Variants in SLC4A7 observed in about 807,000 individuals in gnomAD.
SLC4A7 encodes solute carrier family 4 member 7, also known as sodium bicarbonate cotransporter 3.
In SLC4A7, 51 loss-of-function variants were observed where a neutral mutation model predicts 137.6. The observed-to-expected ratio is 0.37, with a 90% CI of 0.30 to 0.47. The LOEUF (loss-of-function observed/expected upper bound fraction) is 0.47. SLC4A7 is among the 20% of genes least tolerant of loss of function. The pLI is 1.00. For missense variants in SLC4A7, 1,247 were observed against 1,525.4 expected (o/e 0.82, Z 3.04); for synonymous variants, 542 against 518.6 (o/e 1.05, Z -0.61).
rs1437974424 is a variant in SLC4A7 at position 27,431,375 on chromosome 3, T to C, written c.1073A>G (p.His358Arg). ...TGCTTCTAAGTCTTCCTCAGGCGGATGAATTACTACTGTGGGAATATCATC... is the reference window on the plus strand; with the variant it reads ...TGCTTCTAAGTCTTCCTCAGGCGGACGAATTACTACTGTGGGAATATCATC... ...ASDDIPTVVIHPPEEDLEAAL... is the reference protein window; with the variant it reads ...ASDDIPTVVIRPPEEDLEAAL... Residue 358 changes from histidine to arginine, a missense_variant, in exon 7 of 26, where the codon CAT (histidine) becomes CGT (arginine). Transcript: ENST00000454389. 1.9e-6 allele frequency: 3 copies of C among 1,613,572 alleles called. No homozygotes were observed. Among genetic ancestry groups the C allele is most frequent in the Non-Finnish European group, 2.5e-6 (3 of 1,179,664 alleles).
intron 22 of SLC4A7, among the ~76,000 whole-genome samples, 180 bp from the exon 23 acceptor site, chr3:27,386,203 A>T (rs1200234338): frequency 4.8e-5 from 1 of 20,854 alleles, no homozygotes; most frequent in Non-Finnish European, 9.0e-5. Context: ...CTTTGTGCTA[A>T]AAAAAAAAAA....
chr3:27,457,405 A>G (rs1283759495), intron 1 of SLC4A7, among the ~76,000 whole-genome samples: 1 of 152,134 alleles, frequency 6.6e-6, no homozygotes, highest in African/African-American at 2.4e-5. Flanking sequence ...TCTCATATCT[A>G]CTTCTGCAGT....
At chr3:27,393,815 TTAAAAA>T (rs2051844785) in intron 20 of SLC4A7, among the ~76,000 whole-genome samples, 1 of 151,934 alleles carries the variant, frequency 6.6e-6, no homozygotes, top group East Asian at 1.9e-4. Flanking sequence ...AATAAAAAAA[TTAAAAA>T]TAAAAGCCAA....
Position 27,374,218 on chromosome 3 carries a change from G to GCT in SLC4A7, c.*2544_*2545dup, listed in dbSNP as rs1221418870. On this transcript the variant is annotated 3_prime_UTR_variant, in exon 26 of 26. Coordinates refer to ENST00000454389, the MANE Select transcript of SLC4A7 (RefSeq NM_001321103.2). Reference sequence around the variant, plus strand: ...GTGGAGAAAAGAATATCCTGAGGTGGCTCTGTGGCCAGGGTATTCAGTAGC... The same window carrying GCT: ...GTGGAGAAAAGAATATCCTGAGGTGGCTCTCTGTGGCCAGGGTATTCAGTAGC... 6.6e-6 allele frequency: 1 copy of GCT among 152,496 alleles called. No homozygotes were observed. The highest frequency in any genetic ancestry group is 1.5e-5 in the Non-Finnish European group (1 of 67,924). 9.4% of individuals were successfully genotyped at this position (152,496 alleles called of 1,614,324 possible). A position where few individuals can be genotyped will look rare whatever the true frequency, so the allele number is the denominator to read the frequency against.
At chr3:27,395,219 G>A in intron 18 of SLC4A7, 104 bp from the exon 19 acceptor site, 1 of 703,902 alleles carries the variant, frequency 1.4e-6, no homozygotes, top group Non-Finnish European at 2.2e-6. Flanking sequence ...CAACGAATGG[G>A]AAATAACTTA....
At chr3:27,478,968 G>A (rs2059593772) in intron 1 of SLC4A7, among the ~76,000 whole-genome samples, 1 of 151,254 alleles carries the variant, frequency 6.6e-6, no homozygotes, top group South Asian at 2.1e-4. Flanking sequence ...TCGCACCACT[G>A]CACTCCAACC....
intron 6 of SLC4A7, among the ~76,000 whole-genome samples, chr3:27,432,085 T>C (rs2056357487): frequency 1.3e-5 from 2 of 152,178 alleles, no homozygotes; most frequent in African/African-American, 4.8e-5. Context: ...AGCGTATTTT[T>C]CCTACATTTT....
intron 11 of SLC4A7, among the ~76,000 whole-genome samples, chr3:27,417,113 G>C (rs1320889804): frequency 6.6e-6 from 1 of 152,140 alleles, no homozygotes; most frequent in Non-Finnish European, 1.5e-5. Flanking sequence ...TCAAAAATTG[G>C]AGTGTGGAAT....
intron 7 of SLC4A7, among the ~76,000 whole-genome samples, chr3:27,427,550 T>C (rs1576393856): frequency 6.6e-6 from 1 of 152,166 alleles, no homozygotes; most frequent in Non-Finnish European, 1.5e-5. Flanking sequence ...TTTTTTATTA[T>C]AGGTATGCAC....
intron 7 of SLC4A7, among the ~76,000 whole-genome samples, chr3:27,428,798 A>C (rs2055933101): frequency 1.3e-5 from 2 of 152,224 alleles, no homozygotes; most frequent in African/African-American, 4.8e-5. Context: ...GATAATACTT[A>C]TGTGATTAAA....
chr3:27,427,530 GAA>G (rs1412690233), intron 7 of SLC4A7, among the ~76,000 whole-genome samples: 3 of 151,786 alleles, frequency 2.0e-5, no homozygotes, highest in Non-Finnish European at 4.4e-5. Context: ...TAACTAATGG[GAA>G]ATACCACTTT....
At chr3:27,423,863 C>T (rs1329094892) in intron 8 of SLC4A7, 174 bp downstream of exon 8, 12 of 540,860 alleles carry the variant, frequency 2.2e-5, no homozygotes, top group Non-Finnish European at 3.9e-5. Context: ...TTAACTGTAA[C>T]CCTTCTCACA....
chr3:27,478,947 G>C (rs376887088), intron 1 of SLC4A7, among the ~76,000 whole-genome samples: 1 of 151,696 alleles, frequency 6.6e-6, no homozygotes, highest in East Asian at 1.9e-4. Context: ...GGAGGTTGCC[G>C]TGAGTCGAGA....
At chr3:27,480,191 C>A (rs2059650540) in intron 1 of SLC4A7, among the ~76,000 whole-genome samples, 1 of 152,146 alleles carries the variant, frequency 6.6e-6, no homozygotes, top group African/African-American at 2.4e-5. Flanking sequence ...GTCTCAATTA[C>A]CAGGCAAAAC....
In SLC4A7 at chr3:27,398,279, G is replaced by A. The variant is rs1308658432; in HGVS notation, c.2502C>T (p.Leu834=). Residue 834 remains leucine (L), a synonymous_variant, in exon 17 of 26, where the codon CTC becomes CTT. Coordinates refer to ENST00000454389, the MANE Select transcript of SLC4A7 (RefSeq NM_001321103.2). ...GHHGPYIPDV[L]FWCVILFFTT... is the part of the protein sequence containing the mutation. ...TGAAAAACAAGATGACACACCAAAA[G>A]AGCACATCTGGAATATAAGGTCCAT... The A allele has an allele frequency of 1.2e-6, 2 of 1,613,150 alleles. No individual in the cohort carries two copies. Among genetic ancestry groups the A allele is most frequent in the East Asian group, 2.2e-5 (1 of 44,828 alleles).
chr3:27,447,053 T>TC (rs1291367378), intron 3 of SLC4A7, among the ~76,000 whole-genome samples: 1 of 146,452 alleles, frequency 6.8e-6, no homozygotes, highest in East Asian at 2.0e-4. Context: ...CAGCTAAACT[T>TC]TTTTTTTTTT....
chr3:27,473,519 A>C (rs2059338213), intron 1 of SLC4A7, among the ~76,000 whole-genome samples: 1 of 151,196 alleles, frequency 6.6e-6, no homozygotes, highest in Non-Finnish European at 1.5e-5. Flanking sequence ...GGAGTTTGAG[A>C]CCAGCCTGGG....
rs1420765641 is a variant in SLC4A7, at chr3:27,448,751, C to A, written c.189G>T (p.Glu63Asp). The change falls in exon 3 of 26, where the codon GAG (glutamate) becomes GAT (aspartate). Residue 63 changes from glutamate (E) to aspartate (D), a missense_variant. By Grantham distance (45) the Glu-to-Asp change is conservative (BLOSUM62 2). Around this residue, in one of 6 missense-constraint regions of SLC4A7, gnomAD observed 176 missense variants for 186.4 expected, o/e 0.94. Transcript: ENST00000454389. ...YIGVHVPFSK[E>D]SRRRHRHRGH... Reference sequence around the variant, plus strand: ...CGCGATGCCTATGACGCCGACGACTCTCTTTACTAAACGGGACGTGAACAC... The same window carrying A: ...CGCGATGCCTATGACGCCGACGACTATCTTTACTAAACGGGACGTGAACAC... 2 of 1,613,308 alleles carry A rather than the reference C, an allele frequency of 1.2e-6. No individual in the cohort carries two copies. The highest frequency in any genetic ancestry group is 2.7e-5 in the African/African-American group (2 of 74,882).
intron 3 of SLC4A7, among the ~76,000 whole-genome samples, chr3:27,443,112 A>T (rs66801263): frequency 7.0e-6 from 1 of 142,742 alleles, no homozygotes; most frequent in African/African-American, 2.6e-5. Flanking sequence ...GCTCACTGCA[A>T]CCTCTGCCTC....
Sources: gnomAD v4.1 joint callset for allele counts (sites outside exome capture counted in the v4.1 genomes callset) on GRCh38, gnomAD v4.1.1 for gene constraint, gnomAD v4.1.1 regional missense constraint, MANE v1.5 for transcripts, NCBI Gene and HGNC (gene_info 2026-07-23, HGNC 2026-07-21) for gene names.